EVPL: variants seen among roughly 807,000 people sequenced by gnomAD.
EVPL encodes the protein 210 kDa cornified envelope precursor protein.
Under a neutral mutation model 129.7 loss-of-function variants are expected in EVPL, and 94 were observed. That is an observed-to-expected ratio of 0.72 (90% CI 0.61 to 0.86). The LOEUF is 0.86. Among genes scored for constraint, EVPL ranks in the 40% least tolerant of loss-of-function variants. EVPL has a pLI of 0.00. For synonymous variants in EVPL, 1,172 were observed against 1,191.1 expected (o/e 0.98, Z 0.33); for missense variants, 2,625 against 2,721.1 (o/e 0.96, Z 0.79).
In EVPL at chr17:76,008,066, G is replaced by A; in HGVS notation, c.5139C>T (p.Tyr1713=). ...YKRGIIDRGQ[Y]LQLQELECDW... Reference sequence around the variant, plus strand: ...CACACTCGAGCTCCTGCAGCTGCAAGTACTGGCCCCTGTCGATGATGCCCC... The same window carrying A: ...CACACTCGAGCTCCTGCAGCTGCAAATACTGGCCCCTGTCGATGATGCCCC... The change falls in exon 22 of 22, where the codon TAC becomes TAT. Residue 1713 remains tyrosine (Y), a synonymous_variant. Coordinates refer to ENST00000301607, the MANE Select transcript of EVPL (RefSeq NM_001988.4). The surrounding 1 kb of genome is among the most constrained non-coding windows in gnomAD (Gnocchi z 7.4). The A allele has an allele frequency of 6.2e-7, 1 of 1,614,080 alleles. No individual in the cohort carries two copies. Among genetic ancestry groups the A allele is most frequent in the Non-Finnish European group, 8.5e-7 (1 of 1,180,016 alleles).
Position 76,018,480 on chromosome 17 carries a change from C to G in EVPL, c.1405G>C (p.Ala469Pro), listed in dbSNP as rs1276691351. 1.9e-6 allele frequency: 3 copies of G among 1,612,476 alleles called. No homozygotes were observed. Among genetic ancestry groups the G allele is most frequent in the African/African-American group, 2.7e-5 (2 of 74,938 alleles). ...CTGGCCACAGCATCAGGGTCTGGTG[C>G]TGGGATGCAGAAGCAGGCGGCGGGA... ...RAPAACFCIP[A>P]PDPDAVARAS... Residue 469 changes from alanine (A) to proline (P), a missense_variant, in exon 12 of 22, where the codon GCA becomes CCA. Transcript: ENST00000301607.
chr17:76,025,269 C>T (rs1003984318), intron 1 of EVPL, among the ~76,000 whole-genome samples: 39 of 152,336 alleles, frequency 2.6e-4, no homozygotes, highest in African/African-American at 8.9e-4. Flanking sequence ...GCACCCAGCA[C>T]GTGTTAGTTT....
Position 76,021,432 on chromosome 17 carries a change from GCCC to G in EVPL, c.1011+33_1011+35del, listed in dbSNP as rs774351102. ...TGCTCCCGCCCCTGCCGCCCCTGCC[GCCC>G]CTGCCGCCCCTGCCGCCTGCCCGAG... On this transcript the variant is annotated intron_variant, in intron 9 of 21. Transcript: ENST00000301607. The G allele has an allele frequency of 7.1e-5, 109 of 1,537,642 alleles. No individual in the cohort carries two copies. In the African/African-American group the frequency reaches 1.5e-3, roughly 21 times the overall value.
In EVPL at chr17:76,009,485, G is replaced by A; in HGVS notation, c.3720C>T (p.Val1240=). The part of the protein sequence containing the change: ...EVEKLLPDLE[V]LRAQKPTVEY... ...CCACCGTGGGCTTCTGGGCCCGCAG[G>A]ACCTCCAGGTCGGGCAGCAGCTTCT... Residue 1240 remains valine (V), a synonymous_variant, in exon 22 of 22, where the codon GTC becomes GTT. Coordinates refer to ENST00000301607, the MANE Select transcript of EVPL (RefSeq NM_001988.4). This position sits in a 1 kb window ranked among gnomAD's most constrained non-coding sequence, Gnocchi z 5.9. 1 of 1,614,070 alleles carries A rather than the reference G, an allele frequency of 6.2e-7. No homozygotes were observed. Among genetic ancestry groups the A allele is most frequent in the Non-Finnish European group, 8.5e-7 (1 of 1,180,006 alleles).
intron 9 of EVPL, 137 bp from the exon 10 acceptor site, chr17:76,019,790 A>C: frequency 8.9e-7 from 1 of 1,124,232 alleles, no homozygotes; most frequent in Non-Finnish European, 1.2e-6. Flanking sequence ...GCTAAACACA[A>C]ACCAGATAAA....
rs374180299 is a variant in EVPL, at chr17:76,017,010, C to T, written c.1710+729G>A. Among the ~76,000 whole-genome samples the T allele has an allele frequency of 3.3e-5, 5 of 151,962 alleles. No individual in the cohort carries two copies. In the East Asian group the frequency reaches 9.7e-4, roughly 29 times the overall value. ...GGTGGATCACTTAAGGTCAGGAGTT[C>T]GACATCAGCCTGGCCAACATGGTGA... is the stretch of plus-strand genomic sequence containing the variant. On this transcript the variant is annotated intron_variant, in intron 14 of 21. Coordinates refer to ENST00000301607, the MANE Select transcript of EVPL (RefSeq NM_001988.4).
chr17:76,010,454 C>T lies in EVPL; in HGVS notation c.2751G>A (p.Leu917=), dbSNP rs1374079488. 1.9e-6 allele frequency: 3 copies of T among 1,614,094 alleles called. No individual in the cohort carries two copies. The highest frequency in any genetic ancestry group is 2.5e-6 in the Non-Finnish European group (3 of 1,180,016). The change falls in exon 22 of 22, where the codon CTG becomes CTA. Residue 917 remains leucine, a synonymous_variant. Coordinates refer to ENST00000301607, the MANE Select transcript of EVPL (RefSeq NM_001988.4). ...PAQAGRESEA[L]KAQLEEERKR... ...TCCTCTCCTCTTCCAGCTGGGCCTT[C>T]AGGGCCTCTGACTCTCTCCCTGCTT... is the stretch of plus-strand genomic sequence containing the variant.
In EVPL at chr17:76,019,673, A is replaced by G; in HGVS notation, c.1012-20T>C. On this transcript the variant is annotated intron_variant, in intron 9 of 21. Transcript: ENST00000301607. ...CTGGAACTGAGTTCACTGGGTGGTCAAGGGCAGAGCCTCGTGCAACCTGCT... is the reference window on the plus strand; with the variant it reads ...CTGGAACTGAGTTCACTGGGTGGTCGAGGGCAGAGCCTCGTGCAACCTGCT... The G allele has an allele frequency of 1.9e-6, 3 of 1,608,478 alleles. No individual in the cohort carries two copies. Among genetic ancestry groups the G allele is most frequent in the Non-Finnish European group, 2.5e-6 (3 of 1,177,790 alleles).
intron 14 of EVPL, 23 bp downstream of exon 14, chr17:76,017,716 G>A (rs1461996695): frequency 3.0e-5 from 48 of 1,603,242 alleles, no homozygotes; most frequent in Middle Eastern, 1.7e-4. Flanking sequence ...CATCCCAGCC[G>A]CCCCTTCCCG....
chr17:76,011,069 AC>A (rs1197652695), intron 21 of EVPL, among the ~76,000 whole-genome samples: 2 of 152,210 alleles, frequency 1.3e-5, no homozygotes, highest in East Asian at 3.8e-4. Context: ...CTCAAAAAAA[AC>A]AAAAAACAAA....
chr17:76,018,707 C>A, intron 11 of EVPL, 107 bp from the exon 12 acceptor site: 1 of 1,328,298 alleles, frequency 7.5e-7, no homozygotes, highest in Non-Finnish European at 1.0e-6. Flanking sequence ...GCAGCTGGAA[C>A]AGGGACAAGA....
Position 76,008,807 on chromosome 17 carries a change from G to A in EVPL, c.4398C>T (p.Val1466=), listed in dbSNP as rs2066347265. The A allele has an allele frequency of 6.2e-7, 1 of 1,613,794 alleles. No homozygotes were observed. The highest frequency in any genetic ancestry group is 1.3e-5 in the African/African-American group (1 of 74,930). The change falls in exon 22 of 22, where the codon GTC becomes GTT. Residue 1466 remains valine, a synonymous_variant. Coordinates refer to ENST00000301607, the MANE Select transcript of EVPL (RefSeq NM_001988.4). This position sits in a 1 kb window ranked among gnomAD's most constrained non-coding sequence, Gnocchi z 7.4. ...CCAGGTCCGGGTCCTTCTCCAGCTT[G>A]ACCACTTCCTCCATGATGATCTTCT... The part of the protein sequence containing the change: ...VQEKIIMEEV[V]KLEKDPDLEK...
chr17:76,018,738 G>A, intron 11 of EVPL, 138 bp from the exon 12 acceptor site: 1 of 1,210,586 alleles, frequency 8.3e-7, no homozygotes, highest in East Asian at 2.5e-5. Flanking sequence ...AGGTGCTGGG[G>A]TAGAAAAGAG....
rs748735300 is a variant in EVPL at position 76,010,110 on chromosome 17, GC to G, written c.3094del (p.Ala1032ArgfsTer25). On this transcript the variant is annotated frameshift_variant, in exon 22 of 22. Transcript: ENST00000301607. LOFTEE classifies it low-confidence loss of function (END_TRUNC). ...VERDPGLDSQ[A>X]AQLRIQIQQL... The stretch of plus-strand genomic sequence containing the variant: ...CTGGATCTGGATCCTGAGCTGGGCC[GC>G]CTGGCTGTCCAGGCCGGGGTCCCTC... 91 of 1,613,918 alleles carry G rather than the reference GC, an allele frequency of 5.6e-5. 1 individual carries two copies. The South Asian group carries it at 9.9e-4, about 18-fold the overall frequency.
At position 76,009,764 on chromosome 17, in the gene EVPL, C is replaced by G. The variant is rs779434566; in HGVS notation, c.3441G>C (p.Gly1147=). The G allele has an allele frequency of 5.6e-6, 9 of 1,613,852 alleles. No individual in the cohort carries two copies. Among genetic ancestry groups the G allele is most frequent in the Non-Finnish European group, 7.6e-6 (9 of 1,180,012 alleles). Residue 1147 remains glycine (G), a synonymous_variant, in exon 22 of 22, where the codon GGG becomes GGC. Transcript: ENST00000301607. This position sits in a 1 kb window ranked among gnomAD's most constrained non-coding sequence, Gnocchi z 5.9. Reference sequence around the variant, plus strand: ...TCAGCCTGGAGGACTCCTGGAGGAGCCCTGGGTCCTGCTCCACCTTCTTCA... The same window carrying G: ...TCAGCCTGGAGGACTCCTGGAGGAGGCCTGGGTCCTGCTCCACCTTCTTCA... ...KEVKKVEQDP[G]LLQESSRLRS... is the part of the protein sequence containing the mutation.
Position 76,009,169 on chromosome 17 carries a change from C to T in EVPL, c.4036G>A (p.Ala1346Thr). The T allele has an allele frequency of 9.9e-6, 16 of 1,611,382 alleles. No individual in the cohort carries two copies. The highest frequency in any genetic ancestry group is 1.3e-5 in the African/African-American group (1 of 75,058). The stretch of plus-strand genomic sequence containing the variant: ...AGCTCGTACACCGCGTCCTCCGCGG[C>T]CCGCCTCTTCTGGGCCGCCTCCCGC... ...EVREAAQKRRAAEDAVYELQS... is the reference protein window; with the variant it reads ...EVREAAQKRRTAEDAVYELQS... Residue 1346 changes from alanine to threonine, a missense_variant, in exon 22 of 22, where the codon GCC becomes ACC. Physicochemically the swap from Ala to Thr is moderately conservative, Grantham distance 58. Transcript: ENST00000301607. This position sits in a 1 kb window ranked among gnomAD's most constrained non-coding sequence, Gnocchi z 5.9.
Position 76,007,279 on chromosome 17 carries a change from A to G in EVPL, c.5926T>C (p.Ser1976Pro), listed in dbSNP as rs745372816. Residue 1976 changes from serine to proline, a missense_variant, in exon 22 of 22, where the codon TCC becomes CCC. Ser to Pro is a moderately conservative substitution (Grantham distance 74). Transcript: ENST00000301607. This position sits in a 1 kb window ranked among gnomAD's most constrained non-coding sequence, Gnocchi z 8.8. The part of the protein sequence containing the change: ...EELAQLLQDE[S>P]SYEKDLTDPI... ...TCTGTCAAATCCTTCTCGTAGCTGGACTCGTCCTGCAGGAGCTGGGCCAGC... is the reference window on the plus strand; with the variant it reads ...TCTGTCAAATCCTTCTCGTAGCTGGGCTCGTCCTGCAGGAGCTGGGCCAGC... 8 of 1,556,876 alleles carry G rather than the reference A, an allele frequency of 5.1e-6. No individual in the cohort carries two copies. In the South Asian group the frequency reaches 9.5e-5, roughly 19 times the overall value.
Position 76,021,947 on chromosome 17 carries a change from C to A in EVPL, c.727G>T (p.Ala243Ser), listed in dbSNP as rs755370469. The A allele has an allele frequency of 1.4e-5, 22 of 1,559,846 alleles. No individual in the cohort carries two copies. Among genetic ancestry groups the A allele is most frequent in the Non-Finnish European group, 1.8e-5 (21 of 1,160,132 alleles). The change falls in exon 7 of 22, where the codon GCT (alanine) becomes TCT (serine). Residue 243 changes from alanine to serine, a missense_variant. By Grantham distance (99) the Ala-to-Ser change is moderately conservative. Coordinates refer to ENST00000301607, the MANE Select transcript of EVPL (RefSeq NM_001988.4). ...TGCAGGATGCGGCGCTGCTGCTCAG[C>A]CAGGGCGCTCAGCTGCCGCGTGCAG... ...QGCTRQLSAL[A>S]EQQRRILQQD...
In EVPL at chr17:76,008,174, C is replaced by G. The variant is rs750140523; in HGVS notation, c.5031G>C (p.Thr1677=). 1.2e-6 allele frequency: 2 copies of G among 1,614,176 alleles called. No homozygotes were observed. The highest frequency in any genetic ancestry group is 2.2e-5 in the South Asian group (2 of 91,082). The change falls in exon 22 of 22, where the codon ACG becomes ACC. Residue 1677 remains threonine, a synonymous_variant. Transcript: ENST00000301607. The surrounding 1 kb of genome is among the most constrained non-coding windows in gnomAD (Gnocchi z 7.4). ...SREELSQETQ[T]RETNLSTKIS... ...TCTTGGTGGAAAGGTTGGTCTCTCG[C>G]GTCTGGGTCTCCTGGCTGAGCTCCT... is the stretch of plus-strand genomic sequence containing the variant.
Sources: allele counts gnomAD v4.1 joint callset (sites outside exome capture counted in the v4.1 genomes callset), GRCh38; gene constraint gnomAD v4.1.1; non-coding constraint Gnocchi (gnomAD v3.1); transcripts MANE v1.5; gene names NCBI Gene and HGNC (gene_info 2026-07-23, HGNC 2026-07-21).